SP100: variants seen among roughly 807,000 people sequenced by gnomAD.
The protein encoded by SP100 is nuclear autoantigen Sp-100.
SP100 carries 84 observed loss-of-function variants against 130.0 expected under a neutral mutation model. The ratio of observed to expected loss-of-function variants is 0.65; its 90% confidence interval spans 0.54 to 0.77. The LOEUF (loss-of-function observed/expected upper bound fraction) is 0.77, where lower values mean the gene tolerates loss of function less well. SP100 is among the 30% of genes least tolerant of loss of function. The pLI, the probability that SP100 is intolerant of heterozygous loss-of-function variation, is 0.00. For synonymous variants in SP100, 331 were observed against 351.7 expected, an observed-to-expected ratio of 0.94 and a Z score of 0.66; for missense variants, 978 against 1,052.2, an observed-to-expected ratio of 0.93 and a Z score of 0.97.
intron 24 of SP100, among the ~76,000 whole-genome samples, chr2:230,532,087 A>G (rs950190986): frequency 6.6e-6 from 1 of 151,950 alleles, no homozygotes; most frequent in African/African-American, 2.4e-5. Flanking sequence ...TATTTTCTCT[A>G]TTTCTCTAAA....
At chr2:230,526,774 G>C (rs1274839991) in intron 24 of SP100, among the ~76,000 whole-genome samples, 1 of 152,098 alleles carries the variant, frequency 6.6e-6, no homozygotes, top group Admixed American at 6.6e-5. Context: ...ACTTCATGAC[G>C]CACGCACAAG....
chr2:230,538,731 C>T lies in SP100; in HGVS notation c.2095-536C>T, dbSNP rs770737280. On this transcript the variant is annotated intron_variant, in intron 24 of 28. Coordinates refer to ENST00000340126, the MANE Select transcript of SP100 (RefSeq NM_001080391.2). ...GGTGCCCACCTGGTCATCTTGCCCA[C>T]GGTTTTTCCATCCCAGAGGTACTGC... is the stretch of plus-strand genomic sequence containing the variant. 4.0e-4 allele frequency: 61 copies of T among 153,328 alleles called. 1 individual carries two copies. The highest frequency in any genetic ancestry group is 8.3e-4 in the Non-Finnish European group (57 of 68,864). 9.5% of individuals were successfully genotyped at this position (153,328 alleles called of 1,614,324 possible).
chr2:230,508,576 C>T (rs1690314516), intron 23 of SP100: 1 of 152,080 alleles, frequency 6.6e-6, no homozygotes, highest in South Asian at 2.1e-4. Context: ...CCTCAGCCTC[C>T]CAAAAGGCTG....
At chr2:230,514,934 A>C (rs1690819057) in intron 24 of SP100, 8 of 1,209,502 alleles carry the variant, frequency 6.6e-6, no homozygotes, top group Non-Finnish European at 7.9e-6. Context: ...ATTGCAGTAC[A>C]TTGAGCTCCA....
At chr2:230,507,585 G>A (rs574332277) in intron 22 of SP100, among the ~76,000 whole-genome samples, 13 of 152,098 alleles carry the variant, frequency 8.5e-5, no homozygotes, top group East Asian at 1.9e-4. Flanking sequence ...ACAATAGATC[G>A]GAGAAGAGAA....
At chr2:230,487,091 A>G (rs2066143319) in intron 17 of SP100, among the ~76,000 whole-genome samples, 2 of 152,196 alleles carry the variant, frequency 1.3e-5, no homozygotes, top group South Asian at 4.1e-4. Context: ...AGATGGATAG[A>G]TTGCAAAAAT....
chr2:230,473,638 A>C (rs1451014224), intron 16 of SP100, among the ~76,000 whole-genome samples, 198 bp downstream of exon 16: 1 of 152,218 alleles, frequency 6.6e-6, no homozygotes, highest in Non-Finnish European at 1.5e-5. Context: ...GCTGCACTTG[A>C]CTGTGAGCAG....
chr2:230,452,214 G>A (rs1312667195), intron 8 of SP100, among the ~76,000 whole-genome samples: 1 of 146,150 alleles, frequency 6.8e-6, no homozygotes, highest in East Asian at 2.0e-4. Context: ...TTTTGCTCTT[G>A]TTGCCCAGGC....
intron 24 of SP100, chr2:230,514,921 G>C (rs1418992572): frequency 4.7e-6 from 5 of 1,053,180 alleles, no homozygotes; most frequent in Non-Finnish European, 6.6e-6. Flanking sequence ...AAACCTACAA[G>C]AGATTGCAGT....
At position 230,446,835 on chromosome 2, in the gene SP100, G is replaced by T. The variant is rs2063732355; in HGVS notation, c.456G>T (p.Leu152Phe). Residue 152 changes from leucine (L) to phenylalanine (F), a missense_variant, in exon 5 of 29, where the codon TTG becomes TTT. By Grantham distance (22) the Leu-to-Phe change is conservative. Transcript: ENST00000340126. ...KGFENVIHDK[L>F]PLQESEEEER... ...ACTCTTCAGTAATCCATGACAAATT[G>T]CCTCTCCAAGAAAGTGAAGAAGAAG... is the stretch of plus-strand genomic sequence containing the variant. 6.2e-7 allele frequency: 1 copy of T among 1,608,850 alleles called. No individual in the cohort carries two copies. The highest frequency in any genetic ancestry group is 8.5e-7 in the Non-Finnish European group (1 of 1,175,654).
intron 24 of SP100, among the ~76,000 whole-genome samples, chr2:230,520,071 A>G (rs699660): frequency 0.81 from 122,524 of 152,182 alleles, 49,747 homozygotes; most frequent in Middle Eastern, 0.92. Context: ...ATTTCACTCA[A>G]TAGGCTGAAA....
At position 230,421,623 on chromosome 2, in the gene SP100, A is replaced by G. The variant is rs548474368; in HGVS notation, c.107+3958A>G. On this transcript the variant is annotated intron_variant, in intron 2 of 28. Transcript: ENST00000340126. ...TTATCCTTAATCCTCACAACTGCAT[A>G]AATATTTGGTAAGTATAAATGCAGA... 7.9e-5 allele frequency among the ~76,000 whole-genome samples: 12 copies of G among 152,118 alleles called. No homozygotes were observed. The South Asian group carries it at 2.3e-3, about 29-fold the overall frequency.
intron 2 of SP100, among the ~76,000 whole-genome samples, chr2:230,435,355 G>C (rs62193379): frequency 1.3e-5 from 2 of 152,008 alleles, no homozygotes; most frequent in Admixed American, 1.3e-4. Flanking sequence ...TGTAGTCTTT[G>C]CCCATTAATA....
intron 8 of SP100, among the ~76,000 whole-genome samples, chr2:230,451,407 T>C (rs1213385471): frequency 6.6e-6 from 1 of 152,246 alleles, no homozygotes. Flanking sequence ...GGGCATTTTT[T>C]CACATACCTG....
At position 230,496,557 on chromosome 2, in the gene SP100, T is replaced by TA. The variant is rs35267851; in HGVS notation, c.1646-1895dup. On this transcript the variant is annotated intron_variant, in intron 18 of 28. Transcript: ENST00000340126. ...AAAAGTAATTGTGGGTTTTGCCTTT[T>TA]AAAAAAAAAGGGAATAGCAAAAACT... Among the ~76,000 whole-genome samples the TA allele has an allele frequency of 1.8e-4, 27 of 151,036 alleles. No homozygotes were observed. The East Asian group carries it at 1.9e-3, about 11-fold the overall frequency.
At chr2:230,541,588 C>T (rs936762802) in intron 27 of SP100, among the ~76,000 whole-genome samples, 71 of 152,148 alleles carry the variant, frequency 4.7e-4, no homozygotes, top group Non-Finnish European at 2.8e-4. Context: ...CAGTAGGGTC[C>T]GGTTCTGGAG....
intron 2 of SP100, among the ~76,000 whole-genome samples, chr2:230,424,254 C>T (rs1257328015): frequency 5.3e-5 from 8 of 152,252 alleles, no homozygotes; most frequent in African/African-American, 1.7e-4. Flanking sequence ...AGAGCAAAAG[C>T]AAATACACAC....
At position 230,494,548 on chromosome 2, in the gene SP100, T is replaced by A. The variant is rs990408685; in HGVS notation, c.1645+88T>A. ...CCCCATCTTTGCTGCAGCCTCAGAA[T>A]CTCCTATGGGCCACGGTAGCTTCAG... is the stretch of plus-strand genomic sequence containing the variant. On this transcript the variant is annotated intron_variant, in intron 18 of 28. Transcript: ENST00000340126. 7.1e-6 allele frequency: 7 copies of A among 982,980 alleles called. No homozygotes were observed. In the African/African-American group the frequency reaches 1.1e-4, roughly 16 times the overall value. The allele number at this position is 982,980 out of a possible 1,614,324, so 60.9% of individuals were successfully genotyped here. A position where few individuals can be genotyped will look rare whatever the true frequency, so the allele number is the denominator to read the frequency against.
At chr2:230,469,484 A>T in intron 14 of SP100, 1 of 463,858 alleles carries the variant, frequency 2.2e-6, no homozygotes, top group South Asian at 1.6e-5. Context: ...AAGCCTAAGA[A>T]GCGTAAGAAA....
Sources: allele counts gnomAD v4.1 joint callset (sites outside exome capture counted in the v4.1 genomes callset), GRCh38; gene constraint gnomAD v4.1.1; transcripts MANE v1.5; gene names NCBI Gene and HGNC (gene_info 2026-07-23, HGNC 2026-07-21).